LRP1B: variants seen among roughly 807,000 people sequenced by gnomAD.
The protein encoded by LRP1B is LDL receptor related protein 1B.
In LRP1B, 217 loss-of-function variants were observed where a neutral mutation model predicts 556.6. That is an observed-to-expected ratio of 0.39 (90% CI 0.35 to 0.44). The LOEUF is 0.44. LRP1B is among the 20% of genes least tolerant of loss of function. The pLI, the probability that LRP1B is intolerant of heterozygous loss-of-function variation, is 1.00. For missense variants in LRP1B, 5,053 were observed against 5,620.8 expected (o/e 0.90, Z 3.23); for synonymous variants, 2,047 against 1,865.8 (o/e 1.10, Z -2.50).
intron 1 of LRP1B, among the ~76,000 whole-genome samples, chr2:142,016,924 G>GTATATACACACACATA (rs1559024299): frequency 8.3e-5 from 6 of 72,188 alleles, no homozygotes; most frequent in South Asian, 4.3e-4. Flanking sequence ...ATATGTATAT[G>GTATATACACACACATA]TATGTATATA....
At chr2:140,806,512 G>T (rs1573743978) in intron 32 of LRP1B, among the ~76,000 whole-genome samples, 1 of 152,176 alleles carries the variant, frequency 6.6e-6, no homozygotes, top group East Asian at 1.9e-4. Flanking sequence ...TCATAGGTGT[G>T]AGTGAAGGGT....
At chr2:141,450,346 G>C (rs1681370783) in intron 3 of LRP1B, among the ~76,000 whole-genome samples, 1 of 152,068 alleles carries the variant, frequency 6.6e-6, no homozygotes, top group Admixed American at 6.6e-5. Context: ...GCAATTCTTT[G>C]ATCTTGGGAA....
chr2:141,505,750 C>G (rs748366343), intron 2 of LRP1B, among the ~76,000 whole-genome samples: 10 of 152,094 alleles, frequency 6.6e-5, no homozygotes, highest in Non-Finnish European at 1.5e-4. Flanking sequence ...GTAACACATT[C>G]TGCTTGGTAG....
At chr2:141,492,201 T>A (rs922470527) in intron 2 of LRP1B, among the ~76,000 whole-genome samples, 1 of 151,760 alleles carries the variant, frequency 6.6e-6, no homozygotes, top group African/African-American at 2.4e-5. Context: ...AGAGTAAGGA[T>A]ACTTTTGAAT....
At chr2:141,920,323 ACAGT>A in intron 1 of LRP1B, among the ~76,000 whole-genome samples, 1 of 151,646 alleles carries the variant, frequency 6.6e-6, no homozygotes, top group Non-Finnish European at 1.5e-5. Flanking sequence ...AACTTTAATA[ACAGT>A]CATTAATGTC....
At chr2:141,654,600 G>A (rs1022728800) in intron 2 of LRP1B, among the ~76,000 whole-genome samples, 1 of 151,896 alleles carries the variant, frequency 6.6e-6, no homozygotes, top group Non-Finnish European at 1.5e-5. Flanking sequence ...TTTCTCCACA[G>A]ACATTTAGTA....
intron 25 of LRP1B, among the ~76,000 whole-genome samples, chr2:140,876,851 T>C (rs184260548): frequency 6.6e-6 from 1 of 152,268 alleles, no homozygotes; most frequent in Non-Finnish European, 1.5e-5. Flanking sequence ...AGGCCAAGTA[T>C]AATAAAGCAA....
intron 7 of LRP1B, among the ~76,000 whole-genome samples, chr2:141,118,023 C>T (rs1700949339): frequency 6.6e-6 from 1 of 151,758 alleles, no homozygotes; most frequent in Admixed American, 6.6e-5. Context: ...TGCTTAACTC[C>T]CAACATCAAG....
At position 141,015,906 on chromosome 2, in the gene LRP1B, A is replaced by G. The variant is rs776227173; in HGVS notation, c.1980T>C (p.Tyr660=). 3.7e-6 allele frequency: 6 copies of G among 1,612,740 alleles called. No homozygotes were observed. The African/African-American group carries it at 6.7e-5, about 18-fold the overall frequency. Residue 660 remains tyrosine (Y), a synonymous_variant, in exon 13 of 91, where the codon TAT becomes TAC. Coordinates refer to ENST00000389484, the MANE Select transcript of LRP1B (RefSeq NM_018557.3). ...IVVDPVNGWM[Y]WTDWEEDEID... ...TTTCATCTTCCTCCCAGTCTGTCCA[A>G]TACATCCAACTAAGACATTAAAAAA...
chr2:142,116,218 ATG>A (rs1389435732), intron 1 of LRP1B, among the ~76,000 whole-genome samples: 8,066 of 139,234 alleles, frequency 0.058, 368 homozygotes, highest in Non-Finnish European at 0.081. Context: ...AAAAAAAAGA[ATG>A]AGAAAGATAT....
At chr2:140,964,799 T>A (rs563467207) in intron 18 of LRP1B, among the ~76,000 whole-genome samples, 44 of 152,132 alleles carry the variant, frequency 2.9e-4, no homozygotes, top group Non-Finnish European at 5.4e-4. Context: ...ACAGCTCGTG[T>A]CCTCTGTCTC....
chr2:140,939,384 G>A (rs1695326463), intron 20 of LRP1B, among the ~76,000 whole-genome samples: 1 of 151,256 alleles, frequency 6.6e-6, no homozygotes. Context: ...TAAAACAGAA[G>A]AATAAGAGCA....
intron 85 of LRP1B, 108 bp downstream of exon 85, chr2:140,274,316 G>A (rs1573719095): frequency 8.0e-6 from 8 of 1,000,592 alleles, no homozygotes; most frequent in East Asian, 2.6e-5. Context: ...GGCACAATAC[G>A]GAATTTTAGA....
chr2:140,565,222 A>G (rs1283091458), intron 43 of LRP1B, among the ~76,000 whole-genome samples: 1 of 101,426 alleles, frequency 9.9e-6, no homozygotes, highest in Non-Finnish European at 2.3e-5. Context: ...CACATTGCTG[A>G]ACTTTTACAT....
At chr2:141,517,192 G>A (rs967456426) in intron 2 of LRP1B, among the ~76,000 whole-genome samples, 2 of 145,460 alleles carry the variant, frequency 1.4e-5, no homozygotes, top group African/African-American at 2.5e-5. Flanking sequence ...AAAACAAAAC[G>A]TGCATTTAAT....
At chr2:140,485,035 C>T (rs1688409635) in intron 59 of LRP1B, among the ~76,000 whole-genome samples, 1 of 152,130 alleles carries the variant, frequency 6.6e-6, no homozygotes. Flanking sequence ...GCCTTTCCTT[C>T]AAGATTTAAA....
intron 2 of LRP1B, among the ~76,000 whole-genome samples, chr2:141,733,443 C>T (rs905729442): frequency 1.3e-5 from 2 of 152,116 alleles, no homozygotes; most frequent in Non-Finnish European, 2.9e-5. Flanking sequence ...CTATTATAGC[C>T]TTCCAGCTTC....
chr2:140,610,584 T>A (rs917403090), intron 41 of LRP1B, among the ~76,000 whole-genome samples: 48 of 152,324 alleles, frequency 3.2e-4, no homozygotes, highest in African/African-American at 6.0e-4. Context: ...CTGTATTTTT[T>A]AAAAATATTT....
intron 3 of LRP1B, among the ~76,000 whole-genome samples, chr2:141,338,692 AGACT>A (rs1687938274): frequency 6.6e-6 from 1 of 152,162 alleles, no homozygotes; most frequent in Non-Finnish European, 1.5e-5. Flanking sequence ...TTTCTTATCT[AGACT>A]GTTTCCAAAG....
Sources: allele counts gnomAD v4.1 joint callset (sites outside exome capture counted in the v4.1 genomes callset), GRCh38; gene constraint gnomAD v4.1.1; transcripts MANE v1.5; gene names NCBI Gene and HGNC (gene_info 2026-07-23, HGNC 2026-07-21).